RNF185: variants seen among roughly 807,000 people sequenced by gnomAD.
The protein encoded by RNF185 is E3 ubiquitin-protein ligase RNF185.
Under a neutral mutation model 24.9 loss-of-function variants are expected in RNF185, and 13 were observed. The observed-to-expected ratio is 0.52, with a 90% CI of 0.34 to 0.83. The LOEUF (loss-of-function observed/expected upper bound fraction) is 0.83. Among genes scored for constraint, RNF185 ranks in the 40% least tolerant of loss-of-function variants. The probability of loss-of-function intolerance (pLI) is 0.01; values close to 1 mark genes in which losing one functional copy is unlikely to be tolerated. For missense variants in RNF185, 184 were observed against 244.7 expected, an observed-to-expected ratio of 0.75 and a Z score of 1.65; for synonymous variants, 79 against 90.3, an observed-to-expected ratio of 0.88 and a Z score of 0.71.
intron 2 of RNF185, among the ~76,000 whole-genome samples, chr22:31,189,173 G>T (rs1391802025): frequency 7.0e-6 from 1 of 143,492 alleles, no homozygotes; most frequent in Non-Finnish European, 1.5e-5. Context: ...GTTTGTGTTT[G>T]TGTATGTATT....
In RNF185 at chr22:31,184,598, C is replaced by T. The variant is rs531545419; in HGVS notation, c.-48-2449C>T. On this transcript the variant is annotated intron_variant, in intron 1 of 6. Transcript: ENST00000326132. The stretch of plus-strand genomic sequence containing the variant: ...GGTGGAGGTTGTAGCGATCCGAGAT[C>T]ACGCCACTGCACTCCAGCCTGGGCA... Among the ~76,000 whole-genome samples the T allele has an allele frequency of 4.6e-5, 7 of 152,268 alleles. No individual in the cohort carries two copies. In the South Asian group the frequency reaches 1.5e-3, roughly 32 times the overall value.
At chr22:31,204,006 A>C (rs2048289459) in intron 6 of RNF185, among the ~76,000 whole-genome samples, 1 of 146,272 alleles carries the variant, frequency 6.8e-6, no homozygotes, top group Admixed American at 7.0e-5. Context: ...GTGCCATTGC[A>C]CTCCAGCCTG....
rs563084859 is a variant in RNF185 at position 31,184,078 on chromosome 22, C to T, written c.-48-2969C>T. Among the ~76,000 whole-genome samples, 871 of 150,926 alleles carry T rather than the reference C, an allele frequency of 5.8e-3. 6 individuals are homozygous for T. Among genetic ancestry groups the T allele is most frequent in the African/African-American group, 0.02 (819 of 41,088 alleles). On this transcript the variant is annotated intron_variant, in intron 1 of 6. Transcript: ENST00000326132. The stretch of plus-strand genomic sequence containing the variant: ...CGGGGGCTGCCCCTCCCTTCCCGGA[C>T]GGGGCGGCTGGCCGGGCGGGGGCTG...
chr22:31,163,918 C>T (rs1356076009), intron 1 of RNF185, among the ~76,000 whole-genome samples: 1 of 151,996 alleles, frequency 6.6e-6, no homozygotes, highest in Non-Finnish European at 1.5e-5. Context: ...AAGTGATCCA[C>T]CCACCTCAGC....
chr22:31,186,473 G>A (rs1204242912), intron 1 of RNF185, among the ~76,000 whole-genome samples: 2 of 152,050 alleles, frequency 1.3e-5, no homozygotes, highest in East Asian at 3.9e-4. Flanking sequence ...GTGGTGGCAG[G>A]CACCTGTAAT....
chr22:31,179,644 A>G (rs534771213), intron 1 of RNF185, among the ~76,000 whole-genome samples: 1 of 152,258 alleles, frequency 6.6e-6, no homozygotes, highest in Non-Finnish European at 1.5e-5. Flanking sequence ...TACAGTTGGG[A>G]CATGCAGGCC....
At chr22:31,188,642 C>T (rs1260482124) in intron 2 of RNF185, among the ~76,000 whole-genome samples, 1 of 151,652 alleles carries the variant, frequency 6.6e-6, no homozygotes, top group Non-Finnish European at 1.5e-5. Context: ...GTCTGGGCAA[C>T]ATAGTGAGGC....
At chr22:31,175,379 G>T (rs765469233) in intron 1 of RNF185, among the ~76,000 whole-genome samples, 1 of 150,892 alleles carries the variant, frequency 6.6e-6, no homozygotes, top group Non-Finnish European at 1.5e-5. Flanking sequence ...GCTTGAACCC[G>T]GTAGGTGGAG....
intron 1 of RNF185, among the ~76,000 whole-genome samples, chr22:31,166,839 G>A (rs1447728498): frequency 1.3e-5 from 2 of 152,070 alleles, no homozygotes; most frequent in South Asian, 2.1e-4. Context: ...TGGTAGAAAC[G>A]GGATTTCACC....
intron 3 of RNF185, among the ~76,000 whole-genome samples, chr22:31,195,217 C>T (rs762322359): frequency 2.0e-5 from 3 of 152,198 alleles, no homozygotes; most frequent in Non-Finnish European, 2.9e-5. Context: ...CCTCCCAAAG[C>T]GCTGGGATTA....
intron 1 of RNF185, among the ~76,000 whole-genome samples, chr22:31,174,742 C>T (rs1433593703): frequency 6.6e-6 from 1 of 151,534 alleles, no homozygotes; most frequent in Non-Finnish European, 1.5e-5. Context: ...AGCTTAAAAC[C>T]CAACAAATGA....
chr22:31,195,927 T>C (rs546913939), intron 4 of RNF185, among the ~76,000 whole-genome samples: 1 of 152,296 alleles, frequency 6.6e-6, no homozygotes, highest in East Asian at 1.9e-4. Flanking sequence ...AAACAGGATC[T>C]GGGTGACTTT....
chr22:31,162,232 C>G (rs533992342), intron 1 of RNF185, among the ~76,000 whole-genome samples: 1 of 152,230 alleles, frequency 6.6e-6, no homozygotes, highest in African/African-American at 2.4e-5. Flanking sequence ...AAACTTCCTG[C>G]CAGTTATCGA....
chr22:31,178,078 C>G (rs909094193), intron 1 of RNF185, among the ~76,000 whole-genome samples: 1 of 152,212 alleles, frequency 6.6e-6, no homozygotes, highest in Admixed American at 6.5e-5. Context: ...TGTGTTCCTA[C>G]AGGATCATTA....
chr22:31,202,325 T>A (rs1262064392), intron 6 of RNF185, among the ~76,000 whole-genome samples: 2 of 152,144 alleles, frequency 1.3e-5, no homozygotes, highest in Non-Finnish European at 2.9e-5. Context: ...CCTGCAGAGA[T>A]GCCATGATCG....
rs377586343 is a variant in RNF185, at chr22:31,191,865, T to C, written c.177-819T>C. Among the ~76,000 whole-genome samples, 10 of 151,966 alleles carry C rather than the reference T, an allele frequency of 6.6e-5. 1 individual carries two copies. Among genetic ancestry groups the C allele is most frequent in the Admixed American group, 3.9e-4 (6 of 15,232 alleles). Reference sequence around the variant, plus strand: ...AAAAAAAAGTGGAGTTGAATACTTTTCTTTCAATTCTGTAGATATCATTTT... The same window carrying C: ...AAAAAAAAGTGGAGTTGAATACTTTCCTTTCAATTCTGTAGATATCATTTT... On this transcript the variant is annotated intron_variant, in intron 2 of 6. Transcript: ENST00000326132.
chr22:31,183,519 A>G (rs1469954928), intron 1 of RNF185, among the ~76,000 whole-genome samples: 1 of 152,130 alleles, frequency 6.6e-6, no homozygotes, highest in African/African-American at 2.4e-5. Flanking sequence ...TTTCCTAGGC[A>G]GAGGGCCCTG....
intron 1 of RNF185, 146 bp from the exon 2 acceptor site, chr22:31,186,901 C>G (rs2048104577): frequency 4.8e-6 from 3 of 618,718 alleles, no homozygotes; most frequent in Non-Finnish European, 8.3e-6. Context: ...TGCCCTACAA[C>G]TCTTGTCTTC....
intron 1 of RNF185, among the ~76,000 whole-genome samples, chr22:31,166,662 C>T (rs1458994884): frequency 6.7e-6 from 1 of 149,372 alleles, no homozygotes; most frequent in South Asian, 2.1e-4. Flanking sequence ...TCCTCTTCTT[C>T]TTCTCGAGAC....
Sources: allele counts gnomAD v4.1 joint callset (sites outside exome capture counted in the v4.1 genomes callset), GRCh38; gene constraint gnomAD v4.1.1; transcripts MANE v1.5; gene names NCBI Gene and HGNC (gene_info 2026-07-23, HGNC 2026-07-21).